EIF4H: variants seen among roughly 807,000 people sequenced by gnomAD.
EIF4H encodes the protein eukaryotic translation initiation factor 4H, also known as Williams-Beuren syndrome chromosome region 1.
Under a neutral mutation model 30.6 loss-of-function variants are expected in EIF4H, and 8 were observed. That is an observed-to-expected ratio of 0.26 (90% CI 0.15 to 0.47). The LOEUF (loss-of-function observed/expected upper bound fraction) is 0.47, where lower values mean the gene tolerates loss of function less well. EIF4H is among the 20% of genes least tolerant of loss of function. The pLI is 0.99. For synonymous variants in EIF4H, 106 were observed against 122.7 expected, an observed-to-expected ratio of 0.86 and a Z score of 0.90; for missense variants, 188 against 339.5, an observed-to-expected ratio of 0.55 and a Z score of 3.51.
At chr7:74,185,773 G>A (rs922292798) in intron 1 of EIF4H, among the ~76,000 whole-genome samples, 3 of 152,136 alleles carry the variant, frequency 2.0e-5, no homozygotes, top group Non-Finnish European at 4.4e-5. Context: ...CCTGCAAAGA[G>A]GGTGACTTTG....
chr7:74,189,241 T>C (rs1441585371), intron 2 of EIF4H, among the ~76,000 whole-genome samples: 1 of 152,210 alleles, frequency 6.6e-6, no homozygotes, highest in East Asian at 1.9e-4. Flanking sequence ...AAGCAAATTT[T>C]ATGTCAGTTA....
intron 1 of EIF4H, among the ~76,000 whole-genome samples, chr7:74,183,671 A>G (rs1172334396): frequency 2.6e-5 from 4 of 152,224 alleles, no homozygotes; most frequent in Admixed American, 6.5e-5. Flanking sequence ...AAGGTGGCAG[A>G]CATTTTAGCT....
intron 1 of EIF4H, among the ~76,000 whole-genome samples, chr7:74,187,038 C>T (rs910680702): frequency 7.2e-5 from 11 of 151,912 alleles, no homozygotes; most frequent in Non-Finnish European, 2.9e-5. Context: ...CTTAGAACCA[C>T]GGTGTGTGAA....
intron 5 of EIF4H, among the ~76,000 whole-genome samples, chr7:74,192,563 T>C (rs1237635730): frequency 1.3e-5 from 2 of 152,156 alleles, no homozygotes; most frequent in Non-Finnish European, 2.9e-5. Flanking sequence ...GAGGTGGTTC[T>C]GTGGAGTTGC....
intron 1 of EIF4H, chr7:74,183,976 A>G (rs1266000513): frequency 6.6e-6 from 1 of 152,204 alleles, no homozygotes; most frequent in Non-Finnish European, 1.5e-5. Flanking sequence ...GTATGGGAAT[A>G]TTTAGGACTA....
At chr7:74,191,941 G>A (rs930038771) in intron 5 of EIF4H, among the ~76,000 whole-genome samples, 4 of 151,844 alleles carry the variant, frequency 2.6e-5, no homozygotes, top group South Asian at 2.1e-4. Context: ...CACCACGCCC[G>A]GCTAATTTTT....
At chr7:74,175,335 C>T (rs1013339256) in intron 1 of EIF4H, among the ~76,000 whole-genome samples, 3 of 152,134 alleles carry the variant, frequency 2.0e-5, no homozygotes, top group Non-Finnish European at 4.4e-5. Flanking sequence ...GAACATCTTG[C>T]TGTTTGTCAA....
chr7:74,190,601 A>G (rs1801184706), intron 5 of EIF4H, among the ~76,000 whole-genome samples: 1 of 152,184 alleles, frequency 6.6e-6, no homozygotes, highest in Admixed American at 6.5e-5. Flanking sequence ...GCCCAGGGAA[A>G]CTCCTCTGTG....
intron 2 of EIF4H, among the ~76,000 whole-genome samples, chr7:74,188,731 T>C (rs1801143436): frequency 6.6e-6 from 1 of 152,188 alleles, no homozygotes. Flanking sequence ...CGCTGCAGGC[T>C]TTGGAGTTTG....
chr7:74,187,889 G>A (rs1801124685), intron 2 of EIF4H, 91 bp downstream of exon 2: 1 of 1,378,170 alleles, frequency 7.3e-7, no homozygotes, highest in Non-Finnish European at 9.7e-7. Flanking sequence ...GTGAACCAGA[G>A]GCTGTAATCA....
intron 1 of EIF4H, chr7:74,183,771 T>C (rs1801018183): frequency 6.6e-6 from 1 of 152,162 alleles, no homozygotes; most frequent in Non-Finnish European, 1.5e-5. Flanking sequence ...TCATCCTATG[T>C]GATGTGTACT....
Position 74,190,597 on chromosome 7 carries a change from G to A in EIF4H, c.469+291G>A, listed in dbSNP as rs10246030. Among the ~76,000 whole-genome samples, 538 of 152,292 alleles carry A rather than the reference G, an allele frequency of 3.5e-3. 4 individuals carry two copies. Among genetic ancestry groups the A allele is most frequent in the African/African-American group, 0.013 (522 of 41,558 alleles). ...CAGTCTTTCTCAGACTCTAGCCCAG[G>A]GAAACTCCTCTGTGGTTTTGTGTAT... On this transcript the variant is annotated intron_variant, in intron 5 of 6. Coordinates refer to ENST00000265753, the MANE Select transcript of EIF4H (RefSeq NM_022170.2).
intron 5 of EIF4H, among the ~76,000 whole-genome samples, chr7:74,192,575 AG>A (rs1801243758): frequency 6.6e-6 from 1 of 151,990 alleles, no homozygotes; most frequent in Non-Finnish European, 1.5e-5. Context: ...TGGAGTTGCT[AG>A]AACACTGAAT....
chr7:74,179,618 T>C (rs1336054854), intron 1 of EIF4H, among the ~76,000 whole-genome samples: 2 of 127,472 alleles, frequency 1.6e-5, no homozygotes, highest in Non-Finnish European at 3.2e-5. Context: ...GGCGACAGGG[T>C]GAGACTCTGT....
At chr7:74,184,940 C>T (rs1176000354) in intron 1 of EIF4H, among the ~76,000 whole-genome samples, 1 of 152,058 alleles carries the variant, frequency 6.6e-6, no homozygotes, top group Non-Finnish European at 1.5e-5. Context: ...CTTGACCTCC[C>T]GAAGTGCTGG....
chr7:74,193,226 C>G (rs1213197793), intron 5 of EIF4H, among the ~76,000 whole-genome samples: 1 of 152,166 alleles, frequency 6.6e-6, no homozygotes, highest in African/African-American at 2.4e-5. Context: ...CAGAAAAAGC[C>G]CAAAGGGCAA....
chr7:74,193,046 G>C (rs1329685011), intron 5 of EIF4H, among the ~76,000 whole-genome samples: 2 of 152,072 alleles, frequency 1.3e-5, no homozygotes, highest in African/African-American at 4.8e-5. Flanking sequence ...TGTTAACATT[G>C]AACTCAGGGC....
At chr7:74,186,215 A>G (rs1458608897) in intron 1 of EIF4H, among the ~76,000 whole-genome samples, 7 of 150,604 alleles carry the variant, frequency 4.6e-5, no homozygotes, top group Non-Finnish European at 7.4e-5. Context: ...TATTTATACT[A>G]TATTCTGATG....
chr7:74,194,762 G>T lies in EIF4H; in HGVS notation c.491G>T (p.Gly164Val), dbSNP rs148078698. The change falls in exon 6 of 7, where the codon GGG becomes GTG. Residue 164 changes from glycine (G) to valine (V), a missense_variant. Physicochemically the swap from Gly to Val is moderately radical, Grantham distance 109 (BLOSUM62 -3). Coordinates refer to ENST00000265753, the MANE Select transcript of EIF4H (RefSeq NM_022170.2). Reference protein sequence around the residue: ...FNSGFRDDFLGGRGGSRPGDR... With the variant: ...FNSGFRDDFLVGRGGSRPGDR... ...TCAGGCTTCAGGGATGACTTCTTAG[G>T]GGGCAGGGGAGGTAGTCGCCCAGGC... 105 of 1,593,086 alleles carry T rather than the reference G, an allele frequency of 6.6e-5. No individual in the cohort carries two copies. Among genetic ancestry groups the T allele is most frequent in the Non-Finnish European group, 8.9e-5 (103 of 1,163,468 alleles).
Sources: allele counts gnomAD v4.1 joint callset (sites outside exome capture counted in the v4.1 genomes callset), GRCh38; gene constraint gnomAD v4.1.1; transcripts MANE v1.5; gene names NCBI Gene and HGNC (gene_info 2026-07-23, HGNC 2026-07-21).